The following STX7 variants were observed in gnomAD, a reference collection of about 807,000 sequenced individuals.
STX7 encodes syntaxin-7.
Under a neutral mutation model 39.6 loss-of-function variants are expected in STX7, and 34 were observed. The ratio of observed to expected loss-of-function variants is 0.86; its 90% CI spans 0.65 to 1.14. The LOEUF (loss-of-function observed/expected upper bound fraction) is 1.14, where lower values mean the gene tolerates loss of function less well. Ranked by LOEUF, STX7 falls within the 50% of genes most tolerant of loss-of-function variation. The pLI is 0.00. For synonymous variants in STX7, 119 were observed against 99.1 expected (o/e 1.20, Z -1.19); for missense variants, 284 against 310.4 (o/e 0.92, Z 0.64).
At chr6:132,472,468 T>C (rs1003073124) in intron 3 of STX7, 93 bp from the exon 4 acceptor site, 3 of 950,666 alleles carry the variant, frequency 3.2e-6, no homozygotes, top group Non-Finnish European at 4.5e-6. Context: ...TAAACAGTTG[T>C]ACAAAAATTG....
intron 2 of STX7, among the ~76,000 whole-genome samples, chr6:132,499,421 T>C (rs1775496465): frequency 6.6e-6 from 1 of 152,108 alleles, no homozygotes; most frequent in South Asian, 2.1e-4. Flanking sequence ...ATCTGGAAAG[T>C]CTCTTTAAAA....
chr6:132,476,674 T>C (rs977184533), intron 2 of STX7, among the ~76,000 whole-genome samples: 1 of 152,162 alleles, frequency 6.6e-6, no homozygotes, highest in African/African-American at 2.4e-5. Flanking sequence ...GAAAGGTTCA[T>C]TGTACTATAT....
In STX7 at chr6:132,505,605, G is replaced by A. The variant is rs538205396; in HGVS notation, c.-58-2017C>T. Among the ~76,000 whole-genome samples the A allele has an allele frequency of 4.6e-5, 7 of 152,118 alleles. No homozygotes were observed. The East Asian group carries it at 1.2e-3, about 25-fold the overall frequency. On this transcript the variant is annotated intron_variant, in intron 1 of 9. Transcript: ENST00000367941. ...GCTGGACCACTACAGTGGGGAGACA[G>A]GAATAAACTTCCTTCCAGGTAGCCT...
At chr6:132,470,346 A>G (rs546512989) in intron 6 of STX7, among the ~76,000 whole-genome samples, 117 of 152,252 alleles carry the variant, frequency 7.7e-4, no homozygotes, top group African/African-American at 2.7e-3. Context: ...GAATGTCTAT[A>G]TTAATAATTA....
chr6:132,499,442 G>A (rs1332808769), intron 2 of STX7, among the ~76,000 whole-genome samples: 1 of 133,372 alleles, frequency 7.5e-6, no homozygotes, highest in Non-Finnish European at 1.7e-5. Context: ...TGGAAAGAGT[G>A]GGTGCTTCTC....
intron 2 of STX7, among the ~76,000 whole-genome samples, chr6:132,493,360 C>T (rs1376284923): frequency 6.6e-6 from 1 of 152,046 alleles, no homozygotes; most frequent in African/African-American, 2.4e-5. Flanking sequence ...GTGTCCCCAC[C>T]CAAACCACAT....
intron 2 of STX7, among the ~76,000 whole-genome samples, chr6:132,478,956 T>A (rs1044105149): frequency 1.3e-5 from 2 of 152,146 alleles, no homozygotes; most frequent in Non-Finnish European, 2.9e-5. Flanking sequence ...GGACACTACA[T>A]TAGTCCAATA....
At chr6:132,498,128 T>C (rs1035335733) in intron 2 of STX7, among the ~76,000 whole-genome samples, 1 of 152,224 alleles carries the variant, frequency 6.6e-6, no homozygotes, top group Non-Finnish European at 1.5e-5. Context: ...GAGTCAACGC[T>C]TTCTCTCATA....
intron 2 of STX7, among the ~76,000 whole-genome samples, chr6:132,498,809 G>A (rs939717289): frequency 6.6e-6 from 1 of 152,132 alleles, no homozygotes; most frequent in African/African-American, 2.4e-5. Context: ...ACACATACTT[G>A]ACAGTAGTTA....
Position 132,447,158 on chromosome 6 carries a change from G to C in STX7, c.*13600C>G, listed in dbSNP as rs1181416296. Reference sequence around the variant, plus strand: ...TTGTGCGTGTAACATTTGACACCAGGCTTTTAAGTAAAACACCCTAAGATG... The same window carrying C: ...TTGTGCGTGTAACATTTGACACCAGCCTTTTAAGTAAAACACCCTAAGATG... On this transcript the variant is annotated 3_prime_UTR_variant, in exon 10 of 10. Coordinates refer to ENST00000367941, the MANE Select transcript of STX7 (RefSeq NM_003569.3). The C allele has an allele frequency of 3.9e-5, 6 of 152,154 alleles. No individual in the cohort carries two copies. The highest frequency in any genetic ancestry group is 8.8e-5 in the Non-Finnish European group (6 of 68,040). 9.4% of individuals were successfully genotyped at this position (152,154 alleles called of 1,614,324 possible).
At chr6:132,505,755 A>AAAAAC (rs1775687529) in intron 1 of STX7, among the ~76,000 whole-genome samples, 1 of 149,694 alleles carries the variant, frequency 6.7e-6, no homozygotes, top group Admixed American at 6.7e-5. Flanking sequence ...AAAAAAAAAA[A>AAAAAC]AAAAAAAAAC....
At chr6:132,470,127 T>A (rs1774677303) in intron 6 of STX7, 80 bp from the exon 7 acceptor site, 1 of 1,026,530 alleles carries the variant, frequency 9.7e-7, no homozygotes, top group Admixed American at 3.5e-5. Context: ...TTAAGATATA[T>A]TCATTAAATA....
At position 132,449,751 on chromosome 6, in the gene STX7, CTCATT is replaced by C. The variant is rs1157355616; in HGVS notation, c.*11002_*11006del. On this transcript the variant is annotated 3_prime_UTR_variant, in exon 10 of 10. Transcript: ENST00000367941. ...TTAATATCTGCCTTTTAACACATCT[CTCATT>C]TCATGTTCGTTTTAATTCATACATT... 1 of 152,164 alleles carries C rather than the reference CTCATT, an allele frequency of 6.6e-6. No individual in the cohort carries two copies. The highest frequency in any genetic ancestry group is 1.5e-5 in the Non-Finnish European group (1 of 68,026). 9.4% of individuals were successfully genotyped at this position (152,164 alleles called of 1,614,324 possible).
intron 7 of STX7, 39 bp downstream of exon 7, chr6:132,469,912 G>GA: frequency 6.6e-7 from 1 of 1,516,042 alleles, no homozygotes; most frequent in Non-Finnish European, 9.0e-7. Context: ...AACTCACTAA[G>GA]ACCAGAGCAG....
intron 1 of STX7, among the ~76,000 whole-genome samples, chr6:132,512,257 C>T (rs1254563299): frequency 6.6e-6 from 1 of 151,650 alleles, no homozygotes; most frequent in African/African-American, 2.4e-5. Flanking sequence ...CAAAAATTAA[C>T]GTATACAGAT....
At chr6:132,494,120 G>A (rs912511393) in intron 2 of STX7, among the ~76,000 whole-genome samples, 2 of 152,084 alleles carry the variant, frequency 1.3e-5, no homozygotes, top group Admixed American at 1.3e-4. Context: ...CAAATGGTTA[G>A]GTTCTCAGGT....
In STX7 at chr6:132,453,858, T is replaced by G. The variant is rs967009827; in HGVS notation, c.*6900A>C. On this transcript the variant is annotated 3_prime_UTR_variant, in exon 10 of 10. Transcript: ENST00000367941. Reference sequence around the variant, plus strand: ...TATATAAAATAGTACAGCTACTTGGTATAAGTTTGGCAATTTCTTAAAAAC... The same window carrying G: ...TATATAAAATAGTACAGCTACTTGGGATAAGTTTGGCAATTTCTTAAAAAC... 1.3e-5 allele frequency: 2 copies of G among 151,982 alleles called. No homozygotes were observed. Among genetic ancestry groups the G allele is most frequent in the African/African-American group, 4.8e-5 (2 of 41,400 alleles). The allele number at this position is 151,982 out of a possible 1,614,324, so 9.4% of individuals were successfully genotyped here.
Position 132,452,106 on chromosome 6 carries a change from T to C in STX7, c.*8652A>G, listed in dbSNP as rs542438104. 4.4e-4 allele frequency: 67 copies of C among 152,266 alleles called. No individual in the cohort carries two copies. Among genetic ancestry groups the C allele is most frequent in the African/African-American group, 1.5e-3 (61 of 41,554 alleles). 9.4% of individuals were successfully genotyped at this position (152,266 alleles called of 1,614,324 possible). Reference sequence around the variant, plus strand: ...ACATTCAAAAATCAATCAATGTATCTACCACATGAATGGGCTAAAGAAGAA... The same window carrying C: ...ACATTCAAAAATCAATCAATGTATCCACCACATGAATGGGCTAAAGAAGAA... On this transcript the variant is annotated 3_prime_UTR_variant, in exon 10 of 10. Transcript: ENST00000367941.
At chr6:132,508,234 GTTCCA>G (rs1440013958) in intron 1 of STX7, among the ~76,000 whole-genome samples, 1 of 152,176 alleles carries the variant, frequency 6.6e-6, no homozygotes, top group Non-Finnish European at 1.5e-5. Context: ...CCCATAAAGA[GTTCCA>G]TCAAGTCAAG....
Sources: gnomAD v4.1 joint callset for allele counts (sites outside exome capture counted in the v4.1 genomes callset) on GRCh38, gnomAD v4.1.1 for gene constraint, MANE v1.5 for transcripts, NCBI Gene and HGNC (gene_info 2026-07-23, HGNC 2026-07-21) for gene names.